Variants in MBD2 observed in about 807,000 individuals in gnomAD.
MBD2 encodes methyl-CpG binding domain protein 2.
MBD2 carries 9 observed loss-of-function variants against 39.3 expected under a neutral mutation model. The ratio of observed to expected loss-of-function variants is 0.23; its 90% confidence interval spans 0.14 to 0.40. The LOEUF is 0.40. MBD2 is among the 10% of genes least tolerant of loss of function. MBD2 has a pLI of 1.00. For missense variants in MBD2, 458 were observed against 532.6 expected (o/e 0.86, Z 1.38); for synonymous variants, 233 against 211.1 (o/e 1.10, Z -0.90).
At chr18:54,200,704 A>G (rs1306765832) in intron 2 of MBD2, among the ~76,000 whole-genome samples, 1 of 152,154 alleles carries the variant, frequency 6.6e-6, no homozygotes, top group African/African-American at 2.4e-5. Context: ...CGCAAAGCTT[A>G]TTTGCATATT....
At chr18:54,208,642 G>A (rs563549893) in intron 1 of MBD2, among the ~76,000 whole-genome samples, 1 of 152,298 alleles carries the variant, frequency 6.6e-6, no homozygotes, top group East Asian at 1.9e-4. Context: ...TTACCAAAAA[G>A]ATAAGCATAC....
intron 2 of MBD2, among the ~76,000 whole-genome samples, chr18:54,194,458 TTTC>T (rs1462979382): frequency 1.1e-4 from 16 of 151,682 alleles, no homozygotes. Context: ...AAACAACAAA[TTTC>T]TTCTGGTTTA....
At chr18:54,218,647 C>CTA (rs112995639) in intron 1 of MBD2, among the ~76,000 whole-genome samples, 4,850 of 152,238 alleles carry the variant, frequency 0.032, 257 homozygotes, top group African/African-American at 0.11. Context: ...ATAACTGTAC[C>CTA]TGTTTCATAG....
At chr18:54,175,552 CT>C (rs1233997234) in intron 3 of MBD2, among the ~76,000 whole-genome samples, 2 of 152,184 alleles carry the variant, frequency 1.3e-5, no homozygotes, top group African/African-American at 4.8e-5. Context: ...GGGACTTCTT[CT>C]TTTAAGTGAC....
At chr18:54,178,824 A>G (rs897229116) in intron 3 of MBD2, among the ~76,000 whole-genome samples, 1 of 152,220 alleles carries the variant, frequency 6.6e-6, no homozygotes, top group Non-Finnish European at 1.5e-5. Flanking sequence ...AGAATATCAC[A>G]ATAGATACTG....
chr18:54,177,420 T>C (rs953558756), intron 3 of MBD2, among the ~76,000 whole-genome samples: 5 of 152,172 alleles, frequency 3.3e-5, no homozygotes, highest in African/African-American at 4.8e-5. Flanking sequence ...CATTAGTTCT[T>C]TATAAGAAGA....
At chr18:54,189,355 C>G (rs901139300) in intron 2 of MBD2, among the ~76,000 whole-genome samples, 1 of 151,776 alleles carries the variant, frequency 6.6e-6, no homozygotes, top group Non-Finnish European at 1.5e-5. Context: ...TCCCGAGTAG[C>G]TGGGACTACA....
At chr18:54,178,557 A>AT (rs1200639725) in intron 3 of MBD2, among the ~76,000 whole-genome samples, 5 of 152,130 alleles carry the variant, frequency 3.3e-5, no homozygotes, top group Non-Finnish European at 5.9e-5. Context: ...AAATACAGGC[A>AT]TAAAAAAAAA....
intron 1 of MBD2, among the ~76,000 whole-genome samples, chr18:54,221,649 C>T (rs2086613971): frequency 6.6e-6 from 1 of 151,756 alleles, no homozygotes; most frequent in South Asian, 2.1e-4. Context: ...GTGGCAGGCA[C>T]CTGTAGTCCC....
At chr18:54,176,871 G>A (rs1284902584) in intron 3 of MBD2, among the ~76,000 whole-genome samples, 1 of 152,186 alleles carries the variant, frequency 6.6e-6, no homozygotes, top group African/African-American at 2.4e-5. Flanking sequence ...GTGATCTCTC[G>A]TTAAGGCAAA....
chr18:54,191,383 G>A (rs1288664955), intron 2 of MBD2, among the ~76,000 whole-genome samples: 2 of 152,218 alleles, frequency 1.3e-5, no homozygotes, highest in East Asian at 3.8e-4. Flanking sequence ...ACCCAGAGAT[G>A]AGTGTTCATT....
rs1380747410 is a variant in MBD2, at chr18:54,224,208, C to CACCGCT, written c.346_351dup (p.Ser116_Gly117dup). 7.7e-6 allele frequency: 9 copies of CACCGCT among 1,174,188 alleles called. No homozygotes were observed. The highest frequency in any genetic ancestry group is 8.4e-6 in the Non-Finnish European group (8 of 952,876). The allele number at this position is 1,174,188 out of a possible 1,614,324, so 72.7% of individuals were successfully genotyped here. ...GGCTCCCGCCGGGGGGCGCCGCCGC[C>CACCGCT]ACCGCTGCCGCCGCCGCCGCAGCCG... On this transcript the variant is annotated inframe_insertion, in exon 1 of 7. Transcript: ENST00000256429.
Position 54,189,010 on chromosome 18 carries a change from C to T in MBD2, c.704G>A (p.Gly235Asp). The change falls in exon 3 of 7, where the codon GGT (glycine) becomes GAT (aspartate). Residue 235 changes from glycine to aspartate, a missense_variant and splice_region_variant. This residue lies in a region of MBD2 where 189 missense variants were observed against 296.6 expected (regional missense o/e 0.64). Transcript: ENST00000256429. ...LRNDPLNQNK[G>D]KPDLNTTLPI... ...CAATGTTGTATTCAAGTCTGGTTTA[C>T]CCTGTGAATATAAATGTATTTTTAT... 6.3e-7 allele frequency: 1 copy of T among 1,583,092 alleles called. No homozygotes were observed. The highest frequency in any genetic ancestry group is 1.2e-5 in the South Asian group (1 of 84,110).
intron 2 of MBD2, among the ~76,000 whole-genome samples, chr18:54,200,796 G>A (rs1422336896): frequency 6.6e-6 from 1 of 152,080 alleles, no homozygotes; most frequent in Non-Finnish European, 1.5e-5. Flanking sequence ...ACTAAAAATT[G>A]AGGCCGAGCG....
At chr18:54,210,373 C>T (rs182416147) in intron 1 of MBD2, among the ~76,000 whole-genome samples, 51 of 152,250 alleles carry the variant, frequency 3.3e-4, no homozygotes, top group Admixed American at 2.9e-3. Context: ...CATATTTTGT[C>T]GCACTGTGAA....
intron 2 of MBD2, among the ~76,000 whole-genome samples, chr18:54,201,862 CAA>C (rs1205443782): frequency 4.2e-4 from 32 of 76,906 alleles, no homozygotes; most frequent in Admixed American, 6.1e-4. Flanking sequence ...GACTCCATCT[CAA>C]AAAAAAAAAA....
intron 2 of MBD2, 72 bp downstream of exon 2, chr18:54,204,926 T>G: frequency 1.4e-6 from 2 of 1,474,338 alleles, no homozygotes; most frequent in Non-Finnish European, 1.9e-6. Flanking sequence ...TCCAGTCACT[T>G]AATTATGATG....
intron 3 of MBD2, among the ~76,000 whole-genome samples, chr18:54,183,300 AATC>A (rs1408619101): frequency 6.6e-6 from 1 of 152,224 alleles, no homozygotes; most frequent in Non-Finnish European, 1.5e-5. Context: ...TAAATTTGGA[AATC>A]ATTAACATAT....
chr18:54,187,770 T>G (rs1384955723), intron 3 of MBD2: 1 of 985,748 alleles, frequency 1.0e-6, no homozygotes, highest in Non-Finnish European at 1.2e-6. Context: ...GAACTTCAAA[T>G]CTTGAGACAT....
Sources: allele counts gnomAD v4.1 joint callset (sites outside exome capture counted in the v4.1 genomes callset), GRCh38; gene constraint gnomAD v4.1.1; regional missense constraint gnomAD v4.1.1; transcripts MANE v1.5; gene names NCBI Gene and HGNC (gene_info 2026-07-23, HGNC 2026-07-21).